TBC1D31: variants seen among roughly 807,000 people sequenced by gnomAD.
TBC1D31 encodes WD repeat domain 67.
A neutral mutation model predicts 132.9 loss-of-function variants in TBC1D31; 99 were observed. The ratio of observed to expected loss-of-function variants is 0.74; its 90% CI spans 0.63 to 0.88. The LOEUF (loss-of-function observed/expected upper bound fraction) is 0.88. Ranked by LOEUF, TBC1D31 falls within the 40% of genes least tolerant of loss-of-function variation. The probability of loss-of-function intolerance (pLI) is 0.00; values close to 1 mark genes in which losing one functional copy is unlikely to be tolerated. For missense variants in TBC1D31, 1,134 were observed against 1,256.6 expected, an observed-to-expected ratio of 0.90 and a Z score of 1.48; for synonymous variants, 385 against 419.4, an observed-to-expected ratio of 0.92 and a Z score of 1.00.
intron 8 of TBC1D31, among the ~76,000 whole-genome samples, chr8:123,107,012 G>C (rs1012886300): frequency 1.3e-5 from 2 of 152,210 alleles, no homozygotes; most frequent in African/African-American, 4.8e-5. Flanking sequence ...AAATTTATTA[G>C]AGACCTGGTG....
intron 11 of TBC1D31, 115 bp downstream of exon 11, chr8:123,120,303 G>A (rs896088459): frequency 2.5e-5 from 20 of 788,530 alleles, no homozygotes; most frequent in East Asian, 1.7e-4. Flanking sequence ...TTTAAGTCAC[G>A]AAAGTGTGAA....
chr8:123,089,714 A>C (rs1816146280), intron 4 of TBC1D31, among the ~76,000 whole-genome samples: 2 of 152,280 alleles, frequency 1.3e-5, no homozygotes, highest in African/African-American at 4.8e-5. Flanking sequence ...TCTCAAAAAA[A>C]CAAAACTGTG....
chr8:123,117,543 A>G (rs992734343), intron 10 of TBC1D31, among the ~76,000 whole-genome samples: 3 of 151,644 alleles, frequency 2.0e-5, no homozygotes, highest in Non-Finnish European at 4.4e-5. Flanking sequence ...TGACGAGGTC[A>G]GGAGATCGAG....
At chr8:123,132,469 A>G (rs2130833386) in intron 16 of TBC1D31, among the ~76,000 whole-genome samples, 1 of 127,640 alleles carries the variant, frequency 7.8e-6, no homozygotes, top group South Asian at 2.4e-4. Context: ...GCTGGAGTAC[A>G]GTGGTGCGAT....
chr8:123,126,487 A>T (rs1382873503), intron 12 of TBC1D31, 21 bp from the exon 13 acceptor site: 2 of 1,597,862 alleles, frequency 1.3e-6, no homozygotes, highest in South Asian at 1.1e-5. Context: ...AAAATAATAA[A>T]TTTTTCCTTA....
intron 10 of TBC1D31, among the ~76,000 whole-genome samples, chr8:123,110,714 T>C (rs1818362196): frequency 7.2e-6 from 1 of 139,104 alleles, no homozygotes; most frequent in Admixed American, 7.1e-5. Flanking sequence ...GGATAAGGAC[T>C]CTTTTTCTTT....
chr8:123,074,689 G>C (rs963027998), intron 1 of TBC1D31, among the ~76,000 whole-genome samples: 1 of 152,170 alleles, frequency 6.6e-6, no homozygotes, highest in Admixed American at 6.5e-5. Context: ...GCTTATCTTT[G>C]TGTTCGTTAA....
chr8:123,095,767 G>C (rs1329532148), intron 5 of TBC1D31, among the ~76,000 whole-genome samples: 1 of 152,116 alleles, frequency 6.6e-6, no homozygotes, highest in East Asian at 1.9e-4. Flanking sequence ...CCTAACCCTG[G>C]AATCAGCCAT....
In TBC1D31 at chr8:123,150,024, C is replaced by T. The variant is rs750476594; in HGVS notation, c.2975-12C>T. 5 of 1,608,692 alleles carry T rather than the reference C, an allele frequency of 3.1e-6. No individual in the cohort carries two copies. In the South Asian group the frequency reaches 4.4e-5, roughly 14 times the overall value. ...CCCAAACATCATCTTAATCTCCTCA[C>T]TTTTATAACAGAAGAACCCAGGTTC... is the stretch of plus-strand genomic sequence containing the variant. On this transcript the variant is annotated splice_polypyrimidine_tract_variant and intron_variant, in intron 20 of 21. Coordinates refer to ENST00000287380, the MANE Select transcript of TBC1D31 (RefSeq NM_145647.4).
intron 2 of TBC1D31, among the ~76,000 whole-genome samples, chr8:123,080,358 A>G (rs1000322948): frequency 2.2e-4 from 33 of 152,258 alleles, no homozygotes; most frequent in Non-Finnish European, 4.9e-4. Flanking sequence ...TGGTAGTTAT[A>G]TACATTTCTC....
At chr8:123,076,401 C>T (rs1260283295) in intron 1 of TBC1D31, among the ~76,000 whole-genome samples, 1 of 150,958 alleles carries the variant, frequency 6.6e-6, no homozygotes, top group Non-Finnish European at 1.5e-5. Context: ...AGAATATTTT[C>T]GTTTTCATTT....
intron 20 of TBC1D31, among the ~76,000 whole-genome samples, chr8:123,146,950 T>A (rs1822274854): frequency 6.6e-6 from 1 of 152,108 alleles, no homozygotes; most frequent in Non-Finnish European, 1.5e-5. Context: ...GTGCTGGGAT[T>A]ATACCTCACC....
At chr8:123,086,003 C>T (rs1358503942) in intron 4 of TBC1D31, among the ~76,000 whole-genome samples, 1 of 152,188 alleles carries the variant, frequency 6.6e-6, no homozygotes, top group African/African-American at 2.4e-5. Flanking sequence ...GTGGTAACCA[C>T]CTTACCAGGG....
the TBC1D31 span, among the ~76,000 whole-genome samples, chr8:123,161,451 T>G: frequency 9.3e-4 from 141 of 152,330 alleles, no homozygotes; most frequent in Non-Finnish European, 1.5e-3. Flanking sequence ...GTGCTTCAAT[T>G]GCCCCTCACT....
chr8:123,078,483 C>A (rs1044378273), intron 2 of TBC1D31, among the ~76,000 whole-genome samples: 6 of 152,164 alleles, frequency 3.9e-5, no homozygotes, highest in African/African-American at 7.2e-5. Flanking sequence ...GCTTCGTACA[C>A]CCAGAGGGCC....
chr8:123,122,697 AACATCT>A (rs1819614913), intron 11 of TBC1D31, among the ~76,000 whole-genome samples: 1 of 152,234 alleles, frequency 6.6e-6, no homozygotes, highest in Non-Finnish European at 1.5e-5. Context: ...AGTGGCAAAT[AACATCT>A]ATTTTACTAT....
chr8:123,106,115 TAC>T (rs1194495259), intron 8 of TBC1D31, among the ~76,000 whole-genome samples: 1 of 152,244 alleles, frequency 6.6e-6, no homozygotes, highest in Admixed American at 6.5e-5. Context: ...TTGATTTTAA[TAC>T]AGTGTCCTTC....
At chr8:123,093,858 C>T in intron 5 of TBC1D31, 116 bp downstream of exon 5, 1 of 714,960 alleles carries the variant, frequency 1.4e-6, no homozygotes, top group Non-Finnish European at 2.0e-6. Flanking sequence ...AAAAAGTTAC[C>T]TTCAAATTTA....
At chr8:123,082,417 C>G in intron 2 of TBC1D31, 1 of 298,668 alleles carries the variant, frequency 3.3e-6, no homozygotes, top group Non-Finnish European at 6.2e-6. Context: ...TAGTGATCTC[C>G]TTTATTCCTT....
Sources: gnomAD v4.1 joint callset for allele counts (sites outside exome capture counted in the v4.1 genomes callset) on GRCh38, gnomAD v4.1.1 for gene constraint, MANE v1.5 for transcripts, NCBI Gene and HGNC (gene_info 2026-07-23, HGNC 2026-07-21) for gene names.